The following CPQ variants were observed in gnomAD, a reference collection of about 807,000 sequenced individuals.
CPQ encodes the protein carboxypeptidase Q.
In CPQ, 37 loss-of-function variants were observed where a neutral mutation model predicts 45.7. The ratio of observed to expected loss-of-function variants is 0.81; its 90% CI spans 0.62 to 1.07. The LOEUF (loss-of-function observed/expected upper bound fraction) is 1.07. Among genes scored for constraint, CPQ ranks in the 50% least tolerant of loss-of-function variants. The pLI, the probability that CPQ is intolerant of heterozygous loss-of-function variation, is 0.00. For missense variants in CPQ, 537 were observed against 572.9 expected (o/e 0.94, Z 0.64); for synonymous variants, 186 against 205.8 (o/e 0.90, Z 0.82).
At chr8:96,960,258 G>T (rs763781783) in intron 4 of CPQ, among the ~76,000 whole-genome samples, 4 of 152,016 alleles carry the variant, frequency 2.6e-5, no homozygotes, top group Non-Finnish European at 4.4e-5. Flanking sequence ...AATTATATTT[G>T]ATCTCTAGTT....
chr8:97,014,000 T>C (rs571905013), intron 5 of CPQ, among the ~76,000 whole-genome samples: 41 of 152,310 alleles, frequency 2.7e-4, no homozygotes, highest in Non-Finnish European at 5.4e-4. Context: ...TTGATAGAGA[T>C]ACATGTTCAA....
At chr8:96,926,582 T>TCTTCCTCTTCC (rs1563530814) in intron 4 of CPQ, among the ~76,000 whole-genome samples, 23 of 90,700 alleles carry the variant, frequency 2.5e-4, no homozygotes, top group African/African-American at 9.0e-4. Context: ...CTTCCTCTTC[T>TCTTCCTCTTCC]TCTTCTTCTT....
chr8:96,682,065 A>G (rs1463019174), intron 1 of CPQ, among the ~76,000 whole-genome samples: 1 of 152,178 alleles, frequency 6.6e-6, no homozygotes, highest in Non-Finnish European at 1.5e-5. Context: ...ACTTTGGACT[A>G]TGGAATTTTG....
intron 1 of CPQ, among the ~76,000 whole-genome samples, chr8:96,655,895 C>G (rs1047126565): frequency 2.0e-5 from 3 of 152,242 alleles, no homozygotes; most frequent in Non-Finnish European, 4.4e-5. Context: ...GAAGAGACAG[C>G]TTCCTCCTGA....
chr8:96,743,146 C>G (rs1401597451), intron 1 of CPQ, among the ~76,000 whole-genome samples: 1 of 152,108 alleles, frequency 6.6e-6, no homozygotes, highest in African/African-American at 2.4e-5. Flanking sequence ...TTCACGTAGT[C>G]CCATATTTCT....
chr8:96,832,926 C>G (rs1811478853), intron 2 of CPQ, among the ~76,000 whole-genome samples: 2 of 151,978 alleles, frequency 1.3e-5, no homozygotes, highest in South Asian at 4.1e-4. Flanking sequence ...TAAAAAGGAG[C>G]CAGGCTGGAG....
chr8:96,935,337 A>G (rs1292806847), intron 4 of CPQ, among the ~76,000 whole-genome samples: 2 of 152,202 alleles, frequency 1.3e-5, no homozygotes, highest in African/African-American at 4.8e-5. Flanking sequence ...TAGGGTTTTC[A>G]TTAATTTGGC....
At chr8:96,694,806 T>TA (rs998744692) in intron 1 of CPQ, among the ~76,000 whole-genome samples, 37 of 152,166 alleles carry the variant, frequency 2.4e-4, no homozygotes, top group Non-Finnish European at 1.9e-4. Context: ...AGCAGCTACA[T>TA]AAAAAAGAGG....
At position 96,778,542 on chromosome 8, in the gene CPQ, C is replaced by T. The variant is rs115139571; in HGVS notation, c.-34-6322C>T. Among the ~76,000 whole-genome samples the T allele has an allele frequency of 2.8e-3, 429 of 152,152 alleles. 2 individuals carry two copies. The highest frequency in any genetic ancestry group is 9.9e-3 in the African/African-American group (411 of 41,514). On this transcript the variant is annotated intron_variant, in intron 1 of 7. Transcript: ENST00000220763. ...TTTTGTGCCTTCAATCTTAGTAAATCTTCTAAAGTGCTACCGATATACTCA... is the reference window on the plus strand; with the variant it reads ...TTTTGTGCCTTCAATCTTAGTAAATTTTCTAAAGTGCTACCGATATACTCA...
At chr8:97,093,811 G>A (rs1035820564) in intron 7 of CPQ, among the ~76,000 whole-genome samples, 10 of 152,094 alleles carry the variant, frequency 6.6e-5, no homozygotes, top group African/African-American at 2.2e-4. Flanking sequence ...CAATTTATCC[G>A]CTATTCATTT....
chr8:97,027,020 A>G (rs2130465550), intron 5 of CPQ, among the ~76,000 whole-genome samples: 1 of 152,256 alleles, frequency 6.6e-6, no homozygotes, highest in South Asian at 2.1e-4. Context: ...TGTAAAAAAA[A>G]GTGTATTTTT....
intron 1 of CPQ, among the ~76,000 whole-genome samples, chr8:96,783,059 C>T (rs918632041): frequency 1.3e-5 from 2 of 152,188 alleles, no homozygotes; most frequent in Non-Finnish European, 2.9e-5. Flanking sequence ...CCGACTTTCT[C>T]TCTGGCTCAT....
rs759487898 is a variant in CPQ at position 96,938,692 on chromosome 8, G to A, written c.850-27243G>A. Among the ~76,000 whole-genome samples, 13 of 152,208 alleles carry A rather than the reference G, an allele frequency of 8.5e-5. No homozygotes were observed. The East Asian group carries it at 9.7e-4, about 11-fold the overall frequency. Reference sequence around the variant, plus strand: ...CACTCCTTCCTCTCTGCTTCTAAGCGCCCCCATTGACTGAACCCTATGGGA... The same window carrying A: ...CACTCCTTCCTCTCTGCTTCTAAGCACCCCCATTGACTGAACCCTATGGGA... On this transcript the variant is annotated intron_variant, in intron 4 of 7. Transcript: ENST00000220763.
intron 1 of CPQ, among the ~76,000 whole-genome samples, chr8:96,762,512 C>A (rs1810417257): frequency 6.6e-6 from 1 of 152,170 alleles, no homozygotes; most frequent in African/African-American, 2.4e-5. Flanking sequence ...TAATAAATTT[C>A]AATGGCTCCC....
At chr8:96,923,109 A>C (rs1686829268) in intron 4 of CPQ, among the ~76,000 whole-genome samples, 1 of 152,198 alleles carries the variant, frequency 6.6e-6, no homozygotes, top group Non-Finnish European at 1.5e-5. Context: ...GAGTCGTAAG[A>C]GTTGCCTCTG....
chr8:96,780,957 G>T (rs899579606), intron 1 of CPQ, among the ~76,000 whole-genome samples: 4 of 152,050 alleles, frequency 2.6e-5, no homozygotes, highest in African/African-American at 9.7e-5. Context: ...GGGGGAGGAG[G>T]TTAGATAAGG....
chr8:96,872,009 A>G (rs1310076775), intron 3 of CPQ, among the ~76,000 whole-genome samples: 1 of 151,972 alleles, frequency 6.6e-6, no homozygotes, highest in Non-Finnish European at 1.5e-5. Context: ...ATTTTGGGAG[A>G]TCACACTCTA....
At chr8:97,026,759 T>G (rs901753406) in intron 5 of CPQ, among the ~76,000 whole-genome samples, 2 of 152,216 alleles carry the variant, frequency 1.3e-5, no homozygotes, top group Admixed American at 6.5e-5. Flanking sequence ...GGCCTTAGCA[T>G]TCCTCACTTC....
chr8:96,909,244 G>A (rs542721680), intron 4 of CPQ, among the ~76,000 whole-genome samples: 3 of 151,660 alleles, frequency 2.0e-5, no homozygotes, highest in South Asian at 4.2e-4. Context: ...ATATGCAACC[G>A]CTGGCATTCT....
Sources: allele counts gnomAD v4.1 joint callset (sites outside exome capture counted in the v4.1 genomes callset), GRCh38; gene constraint gnomAD v4.1.1; transcripts MANE v1.5; gene names NCBI Gene and HGNC (gene_info 2026-07-23, HGNC 2026-07-21).